Variants in RTN2 observed in about 807,000 individuals in gnomAD.
RTN2 encodes the protein reticulon 2.
A neutral mutation model predicts 63.7 loss-of-function variants in RTN2; 36 were observed. That is an observed-to-expected ratio of 0.56 (90% CI 0.43 to 0.75). The LOEUF (loss-of-function observed/expected upper bound fraction) is 0.75. Among genes scored for constraint, RTN2 ranks in the 30% least tolerant of loss-of-function variants. The probability of loss-of-function intolerance (pLI) is 0.00; values close to 1 mark genes in which losing one functional copy is unlikely to be tolerated. For missense variants in RTN2, 673 were observed against 705.1 expected (o/e 0.95, Z 0.52); for synonymous variants, 312 against 313.0 (o/e 1.00, Z 0.03).
chr19:45,492,564 T>C (rs1968182166), intron 5 of RTN2, among the ~76,000 whole-genome samples: 2 of 152,100 alleles, frequency 1.3e-5, no homozygotes, highest in African/African-American at 2.4e-5. Context: ...ACTTTAGTAA[T>C]CTGCTTTCCT....
chr19:45,494,044 C>G lies in RTN2; in HGVS notation c.814+122G>C. On this transcript the variant is annotated intron_variant, in intron 4 of 10. Transcript: ENST00000245923. The surrounding 1 kb of genome is among the most constrained non-coding windows in gnomAD (Gnocchi z 5.3). Reference sequence around the variant, plus strand: ...TCACGTCTAGCCAGATGTGATATCACGTCTATCTCTTCCCTTTTCCACTAT... The same window carrying G: ...TCACGTCTAGCCAGATGTGATATCAGGTCTATCTCTTCCCTTTTCCACTAT... The G allele has an allele frequency of 1.4e-6, 2 of 1,416,632 alleles. No individual in the cohort carries two copies. Among genetic ancestry groups the G allele is most frequent in the Middle Eastern group, 2.5e-4 (1 of 3,972 alleles). The allele number at this position is 1,416,632 out of a possible 1,614,324, so 87.8% of individuals were successfully genotyped here.
At chr19:45,490,791 G>A (rs1432304766) in intron 5 of RTN2, among the ~76,000 whole-genome samples, 1 of 151,856 alleles carries the variant, frequency 6.6e-6, no homozygotes, top group African/African-American at 2.4e-5. Flanking sequence ...TGGCCAGGCT[G>A]GTCTCGAACT....
rs10401270 is a variant in RTN2, at chr19:45,494,989, A to G, written c.96T>C (p.Ser32=). ...PDSTEGGNDD[S]DFRELHTARE... is the part of the protein sequence containing the mutation. ...GGGCTGTGTGCAGCTCTCGAAAATC[A>G]GAGTCGTCGTTCCCTCCTGCAGTGG... Residue 32 remains serine (S), a synonymous_variant, in exon 3 of 11, where the codon TCT becomes TCC. Transcript: ENST00000245923. The surrounding 1 kb of genome is among the most constrained non-coding windows in gnomAD (Gnocchi z 5.3). 188,097 of 1,613,002 alleles carry G rather than the reference A, an allele frequency of 0.12. 11,529 individuals are homozygous for G. Among genetic ancestry groups the G allele is most frequent in the East Asian group, 0.16 (7,149 of 44,856 alleles).
At position 45,485,732 on chromosome 19, in the gene RTN2, G is replaced by C; in HGVS notation, c.1614C>G (p.Ser538=). Residue 538 remains serine (S), a synonymous_variant, in exon 11 of 11, where the codon TCC becomes TCG. Transcript: ENST00000245923. The stretch of plus-strand genomic sequence containing the variant: ...CTCATTCGGCTTTGGCTTTGGATCC[G>C]GAGACTGCGGCTGCTGCAGAGGCCA... ...GALASAAAAV[S]GSKAKAE The C allele has an allele frequency of 6.2e-7, 1 of 1,614,082 alleles. No homozygotes were observed. Among genetic ancestry groups the C allele is most frequent in the Non-Finnish European group, 8.5e-7 (1 of 1,179,998 alleles).
chr19:45,494,693 G>A lies in RTN2; in HGVS notation c.392C>T (p.Pro131Leu), dbSNP rs1351602773. The change falls in exon 3 of 11, where the codon CCT (proline) becomes CTT (leucine). Residue 131 changes from proline to leucine, a missense_variant. By Grantham distance (98) the Pro-to-Leu change is moderately conservative. Coordinates refer to ENST00000245923, the MANE Select transcript of RTN2 (RefSeq NM_005619.5). The surrounding 1 kb of genome is among the most constrained non-coding windows in gnomAD (Gnocchi z 5.3). ...GTCTTCCAGAGGGCGCTCGGATGGA[G>A]GCGCGGTGTCAGGATCACCCCGTCG... ...PGRRGDPDTA[P>L]PSERPLEDLR... is the part of the protein sequence containing the mutation. 2.5e-6 allele frequency: 4 copies of A among 1,613,644 alleles called. No homozygotes were observed. The East Asian group carries it at 6.7e-5, about 27-fold the overall frequency.
At chr19:45,488,383 A>T in intron 9 of RTN2, 88 bp downstream of exon 9, 7 of 1,418,486 alleles carry the variant, frequency 4.9e-6, no homozygotes, top group Non-Finnish European at 5.9e-6. Context: ...TGGCCGGGAC[A>T]TCTGTCAATG....
chr19:45,493,234 A>G lies in RTN2; in HGVS notation c.959T>C (p.Leu320Pro), dbSNP rs138317158. The G allele has an allele frequency of 4.0e-5, 65 of 1,613,804 alleles. No homozygotes were observed. Among genetic ancestry groups the G allele is most frequent in the Non-Finnish European group, 5.2e-5 (61 of 1,180,028 alleles). Residue 320 changes from leucine (L) to proline (P), a missense_variant, in exon 5 of 11, where the codon CTA becomes CCA. Coordinates refer to ENST00000245923, the MANE Select transcript of RTN2 (RefSeq NM_005619.5). ...TCTCGGGGATTTTGCCCACTTCAGTAGAACCCGGAGGACAGGAGTAGGGGG... is the reference window on the plus strand; with the variant it reads ...TCTCGGGGATTTTGCCCACTTCAGTGGAACCCGGAGGACAGGAGTAGGGGG... Reference protein sequence around the residue: ...PTPPTPVLRVLLKWAKSPRSS... With the variant: ...PTPPTPVLRVPLKWAKSPRSS...
Position 45,489,441 on chromosome 19 carries a change from G to A in RTN2, c.1146C>T (p.His382=). 6.2e-7 allele frequency: 1 copy of A among 1,611,742 alleles called. No homozygotes were observed. The highest frequency in any genetic ancestry group is 8.5e-7 in the Non-Finnish European group (1 of 1,179,022). Residue 382 remains histidine (H), a synonymous_variant, in exon 6 of 11, where the codon CAC becomes CAT. Coordinates refer to ENST00000245923, the MANE Select transcript of RTN2 (RefSeq NM_005619.5). ...LHFSIVSVAA[H]LALLLLCGTI... Reference sequence around the variant, plus strand: ...TGCCGCAGAGCAGCAACAGAGCCAAGTGCGCGGCCACGGACACGATGCTAA... The same window carrying A: ...TGCCGCAGAGCAGCAACAGAGCCAAATGCGCGGCCACGGACACGATGCTAA...
chr19:45,493,379 C>G lies in RTN2; in HGVS notation c.815-1G>C. Reference sequence around the variant, plus strand: ...GTCTTTAACCATTCCATAGCTGTTCCTGGAGGCGGAGCATATTTTAAAGTA... The same window carrying G: ...GTCTTTAACCATTCCATAGCTGTTCGTGGAGGCGGAGCATATTTTAAAGTA... On this transcript the variant is annotated splice_acceptor_variant, in intron 4 of 10. Transcript: ENST00000245923. LOFTEE classifies it high-confidence loss of function. 6.2e-7 allele frequency: 1 copy of G among 1,604,194 alleles called. No individual in the cohort carries two copies. Among genetic ancestry groups the G allele is most frequent in the Non-Finnish European group, 8.5e-7 (1 of 1,175,892 alleles).
At position 45,493,083 on chromosome 19, in the gene RTN2, A is replaced by T. The variant is rs556824444; in HGVS notation, c.1033+77T>A. ...CAGATCAGTAATAAAAATGCTCCGG[A>T]TGTGCAGGAGATAAGGGCGAGTTTG... On this transcript the variant is annotated intron_variant, in intron 5 of 10. Coordinates refer to ENST00000245923, the MANE Select transcript of RTN2 (RefSeq NM_005619.5). The T allele has an allele frequency of 7.6e-6, 10 of 1,323,550 alleles. No homozygotes were observed. The East Asian group carries it at 9.2e-5, about 12-fold the overall frequency. The allele number at this position is 1,323,550 out of a possible 1,614,324, so 82.0% of individuals were successfully genotyped here. A position where few individuals can be genotyped will look rare whatever the true frequency, so the allele number is the denominator to read the frequency against.
intron 5 of RTN2, among the ~76,000 whole-genome samples, chr19:45,491,360 AT>A (rs752835899): frequency 0.11 from 13,284 of 125,274 alleles, 593 homozygotes; most frequent in East Asian, 0.18. Flanking sequence ...TATCGTGCTA[AT>A]TTTTTTTTTT....
At chr19:45,493,095 T>C in intron 5 of RTN2, 65 bp downstream of exon 5, 2 of 1,436,748 alleles carry the variant, frequency 1.4e-6, no homozygotes, top group Non-Finnish European at 2.0e-6. Flanking sequence ...GTGCAGGAGA[T>C]AAGGGCGAGT....
intron 9 of RTN2, among the ~76,000 whole-genome samples, chr19:45,486,487 G>A (rs971746688): frequency 1.3e-5 from 2 of 151,884 alleles, no homozygotes; most frequent in African/African-American, 4.8e-5. Flanking sequence ...TTATATACTC[G>A]TGTTTTTTAA....
At chr19:45,488,071 G>A (rs1434344193) in intron 9 of RTN2, among the ~76,000 whole-genome samples, 2 of 152,020 alleles carry the variant, frequency 1.3e-5, no homozygotes, top group African/African-American at 2.4e-5. Flanking sequence ...TGGCCAGCAT[G>A]GCAAAACTCC....
chr19:45,485,512 G>A lies in RTN2; in HGVS notation c.*196C>T. 1 of 588,884 alleles carries A rather than the reference G, an allele frequency of 1.7e-6. No homozygotes were observed. Among genetic ancestry groups the A allele is most frequent in the Non-Finnish European group, 3.0e-6 (1 of 329,374 alleles). 36.5% of individuals were successfully genotyped at this position (588,884 alleles called of 1,614,324 possible). A position where few individuals can be genotyped will look rare whatever the true frequency, so the allele number is the denominator to read the frequency against. On this transcript the variant is annotated 3_prime_UTR_variant, in exon 11 of 11. Transcript: ENST00000245923. ...GGTGCCTCGTCTTTCCTGGACTCCT[G>A]GAGCAGAGCCTCTTGGGAAATGTAG...
At chr19:45,491,129 A>T (rs1968149187) in intron 5 of RTN2, among the ~76,000 whole-genome samples, 1 of 150,562 alleles carries the variant, frequency 6.6e-6, no homozygotes, top group East Asian at 2.0e-4. Flanking sequence ...ACCTCAGGTG[A>T]TCCACCCACC....
At position 45,494,606 on chromosome 19, in the gene RTN2, G is replaced by T. The variant is rs1162260418; in HGVS notation, c.479C>A (p.Ser160Tyr). ...VARGTGSGED[S>Y]STSSSTPLED... ...CAGCGGGGTGGAGCTGCTGGTGGAA[G>T]AGTCCTCCCCGGATCCCGTTCCCCG... is the stretch of plus-strand genomic sequence containing the variant. The change falls in exon 3 of 11, where the codon TCT becomes TAT. Residue 160 changes from serine (S) to tyrosine (Y), a missense_variant. Ser to Tyr is a moderately radical substitution (Grantham distance 144, BLOSUM62 -2). Coordinates refer to ENST00000245923, the MANE Select transcript of RTN2 (RefSeq NM_005619.5). The surrounding 1 kb of genome is among the most constrained non-coding windows in gnomAD (Gnocchi z 5.3). 6.2e-7 allele frequency: 1 copy of T among 1,614,024 alleles called. No individual in the cohort carries two copies. Among genetic ancestry groups the T allele is most frequent in the South Asian group, 1.1e-5 (1 of 91,080 alleles).
intron 9 of RTN2, among the ~76,000 whole-genome samples, chr19:45,486,366 G>A (rs1356760163): frequency 6.6e-6 from 1 of 152,192 alleles, no homozygotes; most frequent in Non-Finnish European, 1.5e-5. Context: ...GTGAGGCCGT[G>A]TCCTGGGCAC....
intron 10 of RTN2, 81 bp downstream of exon 10, chr19:45,485,974 T>G: frequency 7.0e-7 from 1 of 1,419,790 alleles, no homozygotes; most frequent in East Asian, 2.3e-5. Context: ...CCAGGAGATT[T>G]GCGGACAGCG....
Sources: allele counts gnomAD v4.1 joint callset (sites outside exome capture counted in the v4.1 genomes callset), GRCh38; gene constraint gnomAD v4.1.1; non-coding constraint Gnocchi (gnomAD v3.1); transcripts MANE v1.5; gene names NCBI Gene and HGNC (gene_info 2026-07-23, HGNC 2026-07-21).